The following RASSF5 variants were observed in gnomAD, a reference collection of about 807,000 sequenced individuals.
RASSF5 encodes ras association domain-containing protein 5.
Under a neutral mutation model 40.5 loss-of-function variants are expected in RASSF5, and 25 were observed. The ratio of observed to expected loss-of-function variants is 0.62; its 90% CI spans 0.45 to 0.86. RASSF5 has a LOEUF of 0.86. Ranked by LOEUF, RASSF5 falls within the 40% of genes least tolerant of loss-of-function variation. The pLI, the probability that RASSF5 is intolerant of heterozygous loss-of-function variation, is 0.00. For synonymous variants in RASSF5, 246 were observed against 252.4 expected, an observed-to-expected ratio of 0.97 and a Z score of 0.24; for missense variants, 521 against 572.8, an observed-to-expected ratio of 0.91 and a Z score of 0.92.
Position 206,587,119 on chromosome 1 carries a change from T to A in RASSF5, c.*141T>A. 9.3e-7 allele frequency: 1 copy of A among 1,076,056 alleles called. No homozygotes were observed. Among genetic ancestry groups the A allele is most frequent in the Non-Finnish European group, 1.4e-6 (1 of 730,700 alleles). The allele number at this position is 1,076,056 out of a possible 1,614,324, so 66.7% of individuals were successfully genotyped here. A position where few individuals can be genotyped will look rare whatever the true frequency, so the allele number is the denominator to read the frequency against. Reference sequence around the variant, plus strand: ...AGCAGTTCCAGCTGTGGCAAAAGTCTCTTCCATGGACAAGTGTTTGCACGA... The same window carrying A: ...AGCAGTTCCAGCTGTGGCAAAAGTCACTTCCATGGACAAGTGTTTGCACGA... On this transcript the variant is annotated 3_prime_UTR_variant, in exon 6 of 6. Transcript: ENST00000579436.
chr1:206,546,856 C>A (rs11119006), intron 2 of RASSF5, among the ~76,000 whole-genome samples: 76,954 of 152,096 alleles, frequency 0.51, 20,079 homozygotes, highest in East Asian at 0.74. Context: ...ATGTGCATCT[C>A]TTTAGCACCA....
At chr1:206,540,756 C>A (rs1014026729) in intron 2 of RASSF5, among the ~76,000 whole-genome samples, 13 of 152,190 alleles carry the variant, frequency 8.5e-5, no homozygotes, top group African/African-American at 3.1e-4. Context: ...CATCATCGAC[C>A]TGGGCTGAGC....
At chr1:206,530,395 A>G (rs1553397786) in intron 1 of RASSF5, among the ~76,000 whole-genome samples, 1 of 152,168 alleles carries the variant, frequency 6.6e-6, no homozygotes, top group African/African-American at 2.4e-5. Context: ...TATAATTATA[A>G]CTAGTCTTTT....
intron 2 of RASSF5, chr1:206,557,683 A>G: frequency 6.2e-7 from 1 of 1,614,194 alleles, no homozygotes; most frequent in Non-Finnish European, 8.5e-7. Flanking sequence ...CAGAGCAAAC[A>G]TCTTTCAAAG....
intron 2 of RASSF5, among the ~76,000 whole-genome samples, chr1:206,566,399 C>G (rs532937721): frequency 1.3e-5 from 2 of 152,308 alleles, no homozygotes; most frequent in South Asian, 4.1e-4. Context: ...ATCTGGGTTA[C>G]TGTACTTTGT....
At chr1:206,568,200 G>A (rs991119135) in intron 2 of RASSF5, among the ~76,000 whole-genome samples, 1 of 152,186 alleles carries the variant, frequency 6.6e-6, no homozygotes, top group East Asian at 1.9e-4. Flanking sequence ...GCACAGTGAG[G>A]GGACACAAGC....
intron 2 of RASSF5, among the ~76,000 whole-genome samples, chr1:206,541,300 C>T (rs1227790879): frequency 6.6e-6 from 1 of 152,150 alleles, no homozygotes; most frequent in Non-Finnish European, 1.5e-5. Flanking sequence ...ATACATTTTT[C>T]AAAACATGAT....
intron 2 of RASSF5, 90 bp downstream of exon 2, chr1:206,538,383 GA>G (rs1667470647): frequency 3.9e-6 from 6 of 1,536,786 alleles, no homozygotes; most frequent in Non-Finnish European, 5.3e-6. Flanking sequence ...TGGTGAGCAG[GA>G]GGTGGCATGA....
In RASSF5 at chr1:206,535,466, C is replaced by A. The variant is rs1667355877; in HGVS notation, c.458-2706C>A. 6.6e-6 allele frequency among the ~76,000 whole-genome samples: 1 copy of A among 152,176 alleles called. No individual in the cohort carries two copies. Among genetic ancestry groups the A allele is most frequent in the South Asian group, 2.1e-4 (1 of 4,824 alleles). On this transcript the variant is annotated intron_variant, in intron 1 of 5. Transcript: ENST00000579436. This position sits in a 1 kb window ranked among gnomAD's most constrained non-coding sequence, Gnocchi z 5.0. ...GGGTTTGGAGAAAGGCATGGGGGCT[C>A]TGACTTCATCTCTGCTGGCCTAAAA...
At chr1:206,545,198 TG>T (rs1375489292) in intron 2 of RASSF5, among the ~76,000 whole-genome samples, 1 of 152,170 alleles carries the variant, frequency 6.6e-6, no homozygotes, top group Non-Finnish European at 1.5e-5. Context: ...GGCATACCTG[TG>T]TTCTGTCTAC....
chr1:206,530,571 C>T (rs927719475), intron 1 of RASSF5, among the ~76,000 whole-genome samples: 2 of 152,172 alleles, frequency 1.3e-5, no homozygotes, highest in African/African-American at 4.8e-5. Context: ...CCCCCACATC[C>T]CCTTTAATAC....
Position 206,552,560 on chromosome 1 carries a change from C to T in RASSF5, c.579+14267C>T, listed in dbSNP as rs11119023. Among the ~76,000 whole-genome samples, 81,268 of 151,924 alleles carry T rather than the reference C, an allele frequency of 0.53. 22,696 individuals are homozygous for T. Among genetic ancestry groups the T allele is most frequent in the East Asian group, 0.75 (3,846 of 5,156 alleles). On this transcript the variant is annotated intron_variant, in intron 2 of 5. Transcript: ENST00000579436. The surrounding 1 kb of genome is among the most constrained non-coding windows in gnomAD (Gnocchi z 4.1). ...TGTGAACTGTTGGCTGGGTGTGCAC[C>T]GTGAAGGGTCTTGAAGGACCTGCTC...
At chr1:206,570,632 T>C (rs1401754903) in intron 2 of RASSF5, among the ~76,000 whole-genome samples, 2 of 144,972 alleles carry the variant, frequency 1.4e-5, no homozygotes, top group Non-Finnish European at 3.0e-5. Context: ...AGGAACTTCA[T>C]ATAAGTAGAA....
At chr1:206,581,407 G>A (rs968011335) in intron 2 of RASSF5, among the ~76,000 whole-genome samples, 2 of 152,088 alleles carry the variant, frequency 1.3e-5, no homozygotes, top group African/African-American at 4.8e-5. Context: ...ACATCAGCCT[G>A]GCCAATATGG....
At chr1:206,523,524 AT>A (rs1290900322) in intron 1 of RASSF5, among the ~76,000 whole-genome samples, 1 of 41,408 alleles carries the variant, frequency 2.4e-5, no homozygotes, top group Non-Finnish European at 3.9e-5. Context: ...TATATTATAT[AT>A]TTTATATATT....
At chr1:206,524,584 A>T (rs1223637810) in intron 1 of RASSF5, among the ~76,000 whole-genome samples, 1 of 123,804 alleles carries the variant, frequency 8.1e-6, no homozygotes, top group African/African-American at 3.4e-5. Flanking sequence ...TATATAAAAT[A>T]TATATTATAT....
chr1:206,514,953 G>C (rs368389344), intron 1 of RASSF5, among the ~76,000 whole-genome samples: 4 of 152,218 alleles, frequency 2.6e-5, no homozygotes, highest in East Asian at 1.9e-4. Context: ...TTGCAATTCT[G>C]TTTCGTCGGT....
intron 1 of RASSF5, among the ~76,000 whole-genome samples, chr1:206,523,484 A>ATTATATATTATATATTTTAT (rs1558498010): frequency 8.0e-5 from 7 of 88,006 alleles, no homozygotes; most frequent in Non-Finnish European, 1.5e-4. Flanking sequence ...TACAATATAT[A>ATTATATATTATATATTTTAT]ATATTATATA....
chr1:206,561,316 A>G (rs982695771), intron 2 of RASSF5, among the ~76,000 whole-genome samples: 1 of 152,212 alleles, frequency 6.6e-6, no homozygotes, highest in Non-Finnish European at 1.5e-5. Flanking sequence ...CCTACTCAGT[A>G]GATGACCCAG....
Sources: gnomAD v4.1 joint callset for allele counts (sites outside exome capture counted in the v4.1 genomes callset) on GRCh38, gnomAD v4.1.1 for gene constraint, Gnocchi (gnomAD v3.1) non-coding constraint, MANE v1.5 for transcripts, NCBI Gene and HGNC (gene_info 2026-07-23, HGNC 2026-07-21) for gene names.